The following CDH4 variants were observed in gnomAD, a reference collection of about 807,000 sequenced individuals.
CDH4 encodes cadherin 4, also known as cadherin-4.
A neutral mutation model predicts 86.0 loss-of-function variants in CDH4; 33 were observed. The ratio of observed to expected loss-of-function variants is 0.38; its 90% CI spans 0.29 to 0.51. The LOEUF is 0.51. CDH4 is among the 20% of genes least tolerant of loss of function. The pLI is 0.86. For synonymous variants in CDH4, 555 were observed against 549.4 expected (o/e 1.01, Z -0.14); for missense variants, 1,114 against 1,307.4 (o/e 0.85, Z 2.28).
intron 3 of CDH4, among the ~76,000 whole-genome samples, chr20:61,771,269 C>G (rs2088773346): frequency 6.6e-6 from 1 of 151,614 alleles, no homozygotes; most frequent in Non-Finnish European, 1.5e-5. Context: ...CTTGACCTCC[C>G]AAAGTGCTGG....
chr20:61,514,192 C>A (rs1293949892), intron 2 of CDH4, among the ~76,000 whole-genome samples: 4 of 152,156 alleles, frequency 2.6e-5, no homozygotes, highest in Non-Finnish European at 5.9e-5. Flanking sequence ...TGTCTAAAAG[C>A]TTGAGGTCAT....
chr20:61,468,219 A>G (rs1447452323), intron 2 of CDH4, among the ~76,000 whole-genome samples: 2 of 152,152 alleles, frequency 1.3e-5, no homozygotes, highest in African/African-American at 2.4e-5. Flanking sequence ...CCTCCACCCC[A>G]TATCACATTG....
In CDH4 at chr20:61,566,604, C is replaced by T. The variant is rs117828821; in HGVS notation, c.170-176959C>T. ...TGCAGCGCTCTGACATCCTGCAGGA[C>T]GGGACAAGGTGGCCCCGAGGACCCG... On this transcript the variant is annotated intron_variant, in intron 2 of 15. Transcript: ENST00000614565. Among the ~76,000 whole-genome samples, 1,312 of 152,164 alleles carry T rather than the reference C, an allele frequency of 8.6e-3. 17 individuals carry two copies. The highest frequency in any genetic ancestry group is 0.014 in the Middle Eastern group (4 of 294).
chr20:61,875,883 TG>T (rs1004912598), intron 7 of CDH4, among the ~76,000 whole-genome samples: 3 of 152,168 alleles, frequency 2.0e-5, no homozygotes, highest in African/African-American at 7.2e-5. Context: ...CTCTGTAGCC[TG>T]GGGTCCCCCG....
intron 2 of CDH4, among the ~76,000 whole-genome samples, chr20:61,616,853 C>T (rs575797289): frequency 2.3e-4 from 35 of 152,294 alleles, no homozygotes; most frequent in Admixed American, 2.6e-4. Flanking sequence ...TGGCCCAGCA[C>T]GTAGACCTGG....
intron 4 of CDH4, among the ~76,000 whole-genome samples, chr20:61,818,116 G>A (rs531944333): frequency 1.3e-5 from 2 of 152,054 alleles, no homozygotes; most frequent in East Asian, 3.9e-4. Context: ...TGCAACCTCT[G>A]CCTCCTGGGT....
intron 2 of CDH4, among the ~76,000 whole-genome samples, chr20:61,633,754 G>A (rs1000450795): frequency 3.3e-5 from 5 of 152,222 alleles, no homozygotes; most frequent in East Asian, 1.9e-4. Flanking sequence ...TGACGAGACC[G>A]TCAATGTGAT....
At chr20:61,395,483 A>G (rs1262272499) in intron 2 of CDH4, among the ~76,000 whole-genome samples, 1 of 152,212 alleles carries the variant, frequency 6.6e-6, no homozygotes, top group African/African-American at 2.4e-5. Flanking sequence ...GCATAGTATT[A>G]TCAATAATGT....
intron 2 of CDH4, among the ~76,000 whole-genome samples, chr20:61,337,808 T>C (rs1457271575): frequency 6.6e-6 from 1 of 152,196 alleles, no homozygotes; most frequent in Non-Finnish European, 1.5e-5. Context: ...TTTCTAAACC[T>C]GTGCCCGCAC....
intron 2 of CDH4, among the ~76,000 whole-genome samples, chr20:61,568,944 C>T (rs986976877): frequency 6.7e-6 from 1 of 149,592 alleles, no homozygotes; most frequent in East Asian, 1.9e-4. Context: ...CAGTGCCTGG[C>T]ACACAGTAGG....
At position 61,628,220 on chromosome 20, in the gene CDH4, G is replaced by A. The variant is rs544605526; in HGVS notation, c.170-115343G>A. Among the ~76,000 whole-genome samples the A allele has an allele frequency of 8.5e-5, 13 of 152,234 alleles. 1 individual carries two copies. The South Asian group carries it at 1.7e-3, about 19-fold the overall frequency. ...CCTTCCCAGGACCCCCGGCTGCTGCGTCGGCCTGAAAACACACACAGGTGC... is the reference window on the plus strand; with the variant it reads ...CCTTCCCAGGACCCCCGGCTGCTGCATCGGCCTGAAAACACACACAGGTGC... On this transcript the variant is annotated intron_variant, in intron 2 of 15. Transcript: ENST00000614565.
intron 2 of CDH4, among the ~76,000 whole-genome samples, chr20:61,258,450 G>A (rs560285080): frequency 2.0e-5 from 3 of 151,096 alleles, no homozygotes; most frequent in South Asian, 2.1e-4. Context: ...ACCATCTTGT[G>A]TACCCTCGTA....
intron 2 of CDH4, among the ~76,000 whole-genome samples, chr20:61,569,654 A>G (rs1015649236): frequency 3.3e-5 from 5 of 152,178 alleles, no homozygotes; most frequent in Admixed American, 6.5e-5. Context: ...TCTAATCTAG[A>G]TATTCCAGTT....
intron 5 of CDH4, among the ~76,000 whole-genome samples, chr20:61,847,123 C>T (rs2146105342): frequency 1.3e-5 from 2 of 152,358 alleles, no homozygotes; most frequent in East Asian, 1.9e-4. Flanking sequence ...CTCCCTGCAT[C>T]ATCCCCAATG....
At chr20:61,452,670 G>T (rs1412074061) in intron 2 of CDH4, among the ~76,000 whole-genome samples, 1 of 152,200 alleles carries the variant, frequency 6.6e-6, no homozygotes, top group African/African-American at 2.4e-5. Flanking sequence ...CAGAAGTAAG[G>T]CAGGGAAAGC....
At chr20:61,600,105 C>T (rs146243793) in intron 2 of CDH4, 248 of 274,412 alleles carry the variant, frequency 9.0e-4, no homozygotes, top group African/African-American at 5.2e-3. Flanking sequence ...GCTGGCTCCT[C>T]GGATGCTGCT....
At chr20:61,347,273 A>G (rs2084685017) in intron 2 of CDH4, among the ~76,000 whole-genome samples, 1 of 152,178 alleles carries the variant, frequency 6.6e-6, no homozygotes, top group Non-Finnish European at 1.5e-5. Context: ...TGCTTGCTCC[A>G]CACATTTTAC....
At chr20:61,326,027 G>C (rs149306701) in intron 2 of CDH4, among the ~76,000 whole-genome samples, 1 of 152,164 alleles carries the variant, frequency 6.6e-6, no homozygotes, top group Admixed American at 6.5e-5. Context: ...TAATATACCC[G>C]TGATAGTAGT....
At chr20:61,845,313 G>A (rs543470208) in intron 5 of CDH4, among the ~76,000 whole-genome samples, 38 of 152,340 alleles carry the variant, frequency 2.5e-4, no homozygotes, top group African/African-American at 6.5e-4. Context: ...CGTCTCTCGC[G>A]GCAGAAAGAG....
Sources: gnomAD v4.1 joint callset for allele counts (sites outside exome capture counted in the v4.1 genomes callset) on GRCh38, gnomAD v4.1.1 for gene constraint, MANE v1.5 for transcripts, NCBI Gene and HGNC (gene_info 2026-07-23, HGNC 2026-07-21) for gene names.